The following HK1 variants were observed in gnomAD, a reference collection of about 807,000 sequenced individuals.
HK1 encodes hexokinase-1.
A neutral mutation model predicts 91.6 loss-of-function variants in HK1; 28 were observed. That is an observed-to-expected ratio of 0.31 (90% CI 0.23 to 0.42). HK1 has a LOEUF of 0.42. HK1 is among the 10% of genes least tolerant of loss of function. HK1 has a pLI of 1.00. For synonymous variants in HK1, 430 were observed against 468.1 expected (o/e 0.92, Z 1.05); for missense variants, 770 against 1,219.8 (o/e 0.63, Z 5.49).
intron 4 of HK1, among the ~76,000 whole-genome samples, chr10:69,295,863 G>A (rs1340864396): frequency 6.6e-6 from 1 of 152,156 alleles, no homozygotes; most frequent in African/African-American, 2.4e-5. Flanking sequence ...ACCTGAACAG[G>A]GAAGGTGCTT....
chr10:69,277,219 A>G (rs1844517213), intron 1 of HK1, among the ~76,000 whole-genome samples: 1 of 152,114 alleles, frequency 6.6e-6, no homozygotes, highest in African/African-American at 2.4e-5. Context: ...TCTAATGCCA[A>G]TCTGGTTCTT....
chr10:69,295,921 A>T (rs1845542001), intron 4 of HK1, among the ~76,000 whole-genome samples: 2 of 152,104 alleles, frequency 1.3e-5, no homozygotes, highest in South Asian at 4.1e-4. Flanking sequence ...CCTTTCTTGG[A>T]AGCAGAATGC....
At chr10:69,351,421 A>C (rs1208155094) in intron 2 of HK1, among the ~76,000 whole-genome samples, 1 of 152,130 alleles carries the variant, frequency 6.6e-6, no homozygotes, top group East Asian at 1.9e-4. Context: ...AGGCAAGAGA[A>C]TCGCTTGAAC....
At chr10:69,354,601 C>G (rs1199627514) in intron 2 of HK1, among the ~76,000 whole-genome samples, 1 of 152,096 alleles carries the variant, frequency 6.6e-6, no homozygotes, top group East Asian at 1.9e-4. Flanking sequence ...GGTTACAACT[C>G]AAGATGAGAT....
chr10:69,298,758 A>C (rs185810765), intron 4 of HK1, among the ~76,000 whole-genome samples: 84 of 151,990 alleles, frequency 5.5e-4, no homozygotes, highest in Admixed American at 1.6e-3. Context: ...GAAGATAAAG[A>C]TCTTATTAGA....
intron 3 of HK1, among the ~76,000 whole-genome samples, chr10:69,289,461 A>ATTTTTTT (rs67564699): frequency 1.8e-5 from 2 of 112,786 alleles, no homozygotes; most frequent in African/African-American, 7.8e-5. Flanking sequence ...AAAAAAAAAA[A>ATTTTTTT]TTTTTTTTTT....
intron 1 of HK1, among the ~76,000 whole-genome samples, chr10:69,329,280 A>T (rs1193588587): frequency 6.6e-6 from 1 of 151,386 alleles, no homozygotes; most frequent in Non-Finnish European, 1.5e-5. Flanking sequence ...CTCCTGCCTC[A>T]GCCTCCCAAG....
chr10:69,383,142 G>A (rs1298639657), intron 10 of HK1, among the ~76,000 whole-genome samples: 1 of 152,130 alleles, frequency 6.6e-6, no homozygotes, highest in Admixed American at 6.5e-5. Context: ...TTCAAGACCA[G>A]TCTGGGCAAC....
In HK1 at chr10:69,386,778, C is replaced by CTAAA. The variant is rs544467542; in HGVS notation, c.1935+384_1935+387dup. The CTAAA allele has an allele frequency of 2.3e-3, 370 of 161,274 alleles. 5 individuals are homozygous for CTAAA. The highest frequency in any genetic ancestry group is 5.7e-3 in the African/African-American group (236 of 41,448). The allele number at this position is 161,274 out of a possible 1,614,324, so 10.0% of individuals were successfully genotyped here. Reference sequence around the variant, plus strand: ...TGGGCGACAGAGCAAGACTCCATCTCTAAATAAATAAATAAATAAATAAAT... The same window carrying CTAAA: ...TGGGCGACAGAGCAAGACTCCATCTCTAAATAAATAAATAAATAAATAAATAAAT... On this transcript the variant is annotated intron_variant, in intron 13 of 17. Coordinates refer to ENST00000359426, the MANE Select transcript of HK1 (RefSeq NM_000188.3).
At chr10:69,357,585 G>A (rs1849194767) in intron 2 of HK1, among the ~76,000 whole-genome samples, 2 of 152,048 alleles carry the variant, frequency 1.3e-5, no homozygotes, top group African/African-American at 4.8e-5. Context: ...AAGTAGCTGG[G>A]ATTACAGGCT....
chr10:69,270,111 A>T (rs1428196646), intron 1 of HK1: 1 of 152,256 alleles, frequency 6.6e-6, no homozygotes, highest in Non-Finnish European at 1.5e-5. Context: ...GCAACAAGGT[A>T]AATTGTCCTC....
intron 5 of HK1, among the ~76,000 whole-genome samples, chr10:69,310,548 T>C (rs1368879332): frequency 6.6e-6 from 1 of 152,164 alleles, no homozygotes; most frequent in African/African-American, 2.4e-5. Flanking sequence ...GGTGTTGACA[T>C]GAACTCTGTG....
At chr10:69,279,753 A>G (rs991125452) in intron 1 of HK1, among the ~76,000 whole-genome samples, 1 of 152,198 alleles carries the variant, frequency 6.6e-6, no homozygotes, top group African/African-American at 2.4e-5. Context: ...GTGACCTAGG[A>G]TATTGGAGGC....
At chr10:69,398,529 A>T in intron 16 of HK1, 66 bp from the exon 17 acceptor site, 1 of 1,231,690 alleles carries the variant, frequency 8.1e-7, no homozygotes, top group Non-Finnish European at 1.2e-6. Flanking sequence ...CGTCCTTTGG[A>T]CGTGGTCTCC....
chr10:69,345,927 C>T (rs1383005999), intron 2 of HK1, among the ~76,000 whole-genome samples: 4 of 152,118 alleles, frequency 2.6e-5, no homozygotes, highest in East Asian at 1.9e-4. Context: ...TTCATAGAAA[C>T]GGCACCCCCC....
At chr10:69,312,682 G>A (rs903200935), upstream of HK1, among the ~76,000 whole-genome samples, 3 of 152,114 alleles carry the variant, frequency 2.0e-5, no homozygotes, top group Non-Finnish European at 4.4e-5. Flanking sequence ...AACTGAATAA[G>A]CCCGAGAGAC....
At chr10:69,315,858 G>C, upstream of HK1, 1 of 1,259,588 alleles carries the variant, frequency 7.9e-7, no homozygotes. Context: ...TGGAGTCCTG[G>C]CTCAAAACTC....
intron 1 of HK1, chr10:69,338,744 A>T (rs1848141723): frequency 4.1e-6 from 5 of 1,216,622 alleles, no homozygotes; most frequent in Non-Finnish European, 4.3e-6. Context: ...AGTGTGTGAG[A>T]GTGTGTGTGT....
chr10:69,377,012 C>A lies in HK1; in HGVS notation c.954C>A (p.Leu318=). 1 of 1,614,168 alleles carries A rather than the reference C, an allele frequency of 6.2e-7. No individual in the cohort carries two copies. Among genetic ancestry groups the A allele is most frequent in the Non-Finnish European group, 8.5e-7 (1 of 1,180,030 alleles). ...LILVKMAKEG[L]LFEGRITPEL... ...TAGTCAAGATGGCCAAGGAGGGCCT[C>A]TTATTTGAAGGGCGGATCACCCCGG... Residue 318 remains leucine (L), a synonymous_variant, in exon 8 of 18, where the codon CTC becomes CTA. Coordinates refer to ENST00000359426, the MANE Select transcript of HK1 (RefSeq NM_000188.3).
Sources: gnomAD v4.1 joint callset for allele counts (sites outside exome capture counted in the v4.1 genomes callset) on GRCh38, gnomAD v4.1.1 for gene constraint, MANE v1.5 for transcripts, NCBI Gene and HGNC (gene_info 2026-07-23, HGNC 2026-07-21) for gene names.